Variants in KPNA3 observed in about 807,000 individuals in gnomAD.
KPNA3 encodes the protein karyopherin subunit alpha 3, also known as importin subunit alpha-4.
In KPNA3, 13 loss-of-function variants were observed where a neutral mutation model predicts 73.8. That is an observed-to-expected ratio of 0.18 (90% CI 0.11 to 0.28). The LOEUF is 0.28. Ranked by LOEUF, KPNA3 falls within the 10% of genes least tolerant of loss-of-function variation. The pLI, the probability that KPNA3 is intolerant of heterozygous loss-of-function variation, is 1.00. For missense variants in KPNA3, 360 were observed against 618.1 expected (o/e 0.58, Z 4.43); for synonymous variants, 186 against 206.9 (o/e 0.90, Z 0.87).
chr13:49,757,776 T>C (rs972500909), intron 1 of KPNA3, among the ~76,000 whole-genome samples: 8 of 152,158 alleles, frequency 5.3e-5, no homozygotes, highest in Admixed American at 3.3e-4. Context: ...ACAACCCAGG[T>C]ATCCTTCACG....
chr13:49,786,240 A>G (rs1954981388), intron 1 of KPNA3, among the ~76,000 whole-genome samples: 1 of 152,204 alleles, frequency 6.6e-6, no homozygotes, highest in African/African-American at 2.4e-5. Flanking sequence ...CAGGTATATC[A>G]TCTAGTCTCT....
At chr13:49,736,620 G>T (rs1954523354) in intron 2 of KPNA3, among the ~76,000 whole-genome samples, 1 of 152,138 alleles carries the variant, frequency 6.6e-6, no homozygotes, top group African/African-American at 2.4e-5. Flanking sequence ...CTATAGTACA[G>T]TATCACAACT....
At chr13:49,710,796 A>C (rs1954253123) in intron 11 of KPNA3, 95 bp downstream of exon 11, 1 of 1,072,048 alleles carries the variant, frequency 9.3e-7, no homozygotes, top group African/African-American at 1.6e-5. Context: ...GTGGAAGATA[A>C]GCACTTACAG....
At chr13:49,752,641 C>T (rs556091604) in intron 1 of KPNA3, among the ~76,000 whole-genome samples, 1 of 151,898 alleles carries the variant, frequency 6.6e-6, no homozygotes, top group East Asian at 1.9e-4. Flanking sequence ...AGGAACCTAG[C>T]CAAGAGCAAT....
intron 1 of KPNA3, among the ~76,000 whole-genome samples, chr13:49,775,247 G>C (rs982858886): frequency 7.0e-6 from 1 of 143,114 alleles, no homozygotes; most frequent in Non-Finnish European, 1.5e-5. Context: ...ATATACTAAA[G>C]AATTTATTAC....
intron 1 of KPNA3, among the ~76,000 whole-genome samples, chr13:49,777,513 T>G (rs1204302173): frequency 4.6e-5 from 7 of 152,156 alleles, no homozygotes; most frequent in Non-Finnish European, 1.0e-4. Flanking sequence ...ATTTATTTTT[T>G]TCTTTATTTG....
intron 2 of KPNA3, 140 bp from the exon 3 acceptor site, chr13:49,733,186 C>G: frequency 1.6e-6 from 1 of 618,150 alleles, no homozygotes. Context: ...AATGTGCATA[C>G]TGCAAACCAA....
At chr13:49,714,557 C>T (rs1416998755) in intron 10 of KPNA3, among the ~76,000 whole-genome samples, 2 of 151,952 alleles carry the variant, frequency 1.3e-5, no homozygotes, top group African/African-American at 4.8e-5. Flanking sequence ...AGAAAATTAT[C>T]ATGAAACTAA....
chr13:49,778,937 A>C (rs931674583), intron 1 of KPNA3, among the ~76,000 whole-genome samples: 1 of 152,178 alleles, frequency 6.6e-6, no homozygotes, highest in African/African-American at 2.4e-5. Flanking sequence ...TTATGATAAA[A>C]CACATAATTA....
At chr13:49,735,211 C>G (rs1354422234) in intron 2 of KPNA3, among the ~76,000 whole-genome samples, 1 of 152,162 alleles carries the variant, frequency 6.6e-6, no homozygotes, top group Non-Finnish European at 1.5e-5. Flanking sequence ...CAACCTCCAC[C>G]TCCCGGGTTC....
At chr13:49,774,132 T>C (rs995610895) in intron 1 of KPNA3, among the ~76,000 whole-genome samples, 6 of 152,014 alleles carry the variant, frequency 3.9e-5, no homozygotes, top group Non-Finnish European at 8.8e-5. Flanking sequence ...CTCAAACTCC[T>C]GCGCTCAAGT....
At chr13:49,781,274 A>G (rs922137124) in intron 1 of KPNA3, among the ~76,000 whole-genome samples, 3 of 152,186 alleles carry the variant, frequency 2.0e-5, no homozygotes, top group Non-Finnish European at 2.9e-5. Flanking sequence ...TAGTCTATAC[A>G]TTCCTTGAGC....
intron 1 of KPNA3, among the ~76,000 whole-genome samples, chr13:49,771,014 T>C (rs530099846): frequency 2.0e-5 from 3 of 151,540 alleles, no homozygotes; most frequent in African/African-American, 7.2e-5. Context: ...TTGCTAAATA[T>C]AAATATGAGT....
chr13:49,769,441 A>G (rs1018325012), intron 1 of KPNA3, among the ~76,000 whole-genome samples: 2 of 152,154 alleles, frequency 1.3e-5, no homozygotes, highest in African/African-American at 4.8e-5. Context: ...TTTGTTCCCC[A>G]TGCTCCTTCC....
chr13:49,733,170 G>T, intron 2 of KPNA3, 124 bp from the exon 3 acceptor site: 4 of 640,266 alleles, frequency 6.2e-6, no homozygotes, highest in Admixed American at 2.9e-5. Context: ...AGGATAATAT[G>T]AATTAAATGT....
At chr13:49,719,688 T>C (rs1954337289) in intron 10 of KPNA3, 87 bp downstream of exon 10, 2 of 881,078 alleles carry the variant, frequency 2.3e-6, no homozygotes, top group Non-Finnish European at 3.7e-6. Flanking sequence ...CTTGACAAGT[T>C]GATAAAATGT....
At chr13:49,723,876 A>AAG (rs1954383842) in intron 7 of KPNA3, among the ~76,000 whole-genome samples, 1 of 151,372 alleles carries the variant, frequency 6.6e-6, no homozygotes, top group Admixed American at 6.6e-5. Context: ...CTTAAAAAAA[A>AAG]AAAAAAAAGA....
intron 2 of KPNA3, among the ~76,000 whole-genome samples, chr13:49,736,504 T>C (rs1594443145): frequency 1.3e-5 from 2 of 152,340 alleles, no homozygotes; most frequent in African/African-American, 4.8e-5. Context: ...TTTTGGTAAC[T>C]GAAATTTTTA....
chr13:49,782,836 TG>T (rs1474056245), intron 1 of KPNA3, among the ~76,000 whole-genome samples: 1 of 151,624 alleles, frequency 6.6e-6, no homozygotes, highest in East Asian at 1.9e-4. Flanking sequence ...TACTCCAGCC[TG>T]GGTGACAGAG....
Sources: allele counts gnomAD v4.1 joint callset (sites outside exome capture counted in the v4.1 genomes callset), GRCh38; gene constraint gnomAD v4.1.1; transcripts MANE v1.5; gene names NCBI Gene and HGNC (gene_info 2026-07-23, HGNC 2026-07-21).